The following VTI1A variants were observed in gnomAD, a reference collection of about 807,000 sequenced individuals.
The protein encoded by VTI1A is vesicle transport through interaction with t-SNAREs 1A.
In VTI1A, 22 loss-of-function variants were observed where a neutral mutation model predicts 34.9. The ratio of observed to expected loss-of-function variants is 0.63; its 90% CI spans 0.45 to 0.90. VTI1A has a LOEUF of 0.90. VTI1A is among the 40% of genes least tolerant of loss of function. The pLI is 0.00. For synonymous variants in VTI1A, 87 were observed against 97.3 expected (o/e 0.89, Z 0.62); for missense variants, 268 against 275.6 (o/e 0.97, Z 0.20).
intron 7 of VTI1A, among the ~76,000 whole-genome samples, chr10:112,687,817 G>A (rs1285990888): frequency 6.6e-6 from 1 of 152,066 alleles, no homozygotes; most frequent in Non-Finnish European, 1.5e-5. Flanking sequence ...AGCTGACAGA[G>A]TACTTGAGAG....
intron 5 of VTI1A, among the ~76,000 whole-genome samples, chr10:112,660,674 A>G (rs1351406142): frequency 6.6e-6 from 1 of 152,204 alleles, no homozygotes; most frequent in African/African-American, 2.4e-5. Context: ...CTGAGGAACT[A>G]AAGTCTTATT....
intron 5 of VTI1A, among the ~76,000 whole-genome samples, chr10:112,583,134 C>A (rs1205342386): frequency 6.6e-6 from 1 of 152,190 alleles, no homozygotes; most frequent in African/African-American, 2.4e-5. Context: ...AAGCGATGAT[C>A]AAGAGCAGAG....
chr10:112,760,175 G>C (rs201281018), intron 7 of VTI1A, among the ~76,000 whole-genome samples: 1 of 152,174 alleles, frequency 6.6e-6, no homozygotes, highest in Non-Finnish European at 1.5e-5. Context: ...AGGGGGATAC[G>C]TTCCAAGACC....
chr10:112,460,482 T>C, intron 1 of VTI1A, 42 bp from the exon 2 acceptor site: 1 of 1,545,646 alleles, frequency 6.5e-7, no homozygotes, highest in Non-Finnish European at 8.7e-7. Flanking sequence ...ATTAAATTTA[T>C]TTGTATCTTT....
intron 5 of VTI1A, among the ~76,000 whole-genome samples, chr10:112,636,332 A>G (rs1846350988): frequency 6.6e-6 from 1 of 152,174 alleles, no homozygotes; most frequent in Non-Finnish European, 1.5e-5. Context: ...AATTAATATT[A>G]CTTGTTATTT....
At chr10:112,477,041 A>G (rs2134086870) in intron 3 of VTI1A, among the ~76,000 whole-genome samples, 1 of 152,324 alleles carries the variant, frequency 6.6e-6, no homozygotes, top group Non-Finnish European at 1.5e-5. Context: ...GCTTTCTTAT[A>G]CAAGAAGTTA....
At chr10:112,627,834 A>G (rs1196700537) in intron 5 of VTI1A, among the ~76,000 whole-genome samples, 1 of 152,198 alleles carries the variant, frequency 6.6e-6, no homozygotes, top group Admixed American at 6.5e-5. Flanking sequence ...AAAATGTGAT[A>G]TAAAATGTGG....
chr10:112,755,024 A>G (rs1851231309), intron 7 of VTI1A, among the ~76,000 whole-genome samples: 1 of 152,078 alleles, frequency 6.6e-6, no homozygotes, highest in Non-Finnish European at 1.5e-5. Context: ...TGGGAGGCTA[A>G]GGTAGGCAGG....
chr10:112,833,732 T>C, the VTI1A span, among the ~76,000 whole-genome samples: 1 of 152,214 alleles, frequency 6.6e-6, no homozygotes, highest in Non-Finnish European at 1.5e-5. Context: ...TGACACTCTA[T>C]TTCTCCTTGG....
chr10:112,802,932 G>A (rs1272266027), intron 7 of VTI1A, among the ~76,000 whole-genome samples: 1 of 152,156 alleles, frequency 6.6e-6, no homozygotes, highest in Non-Finnish European at 1.5e-5. Flanking sequence ...AGAGAAAAGA[G>A]CAGCCTCGAA....
At chr10:112,474,070 T>C (rs1329160765) in intron 3 of VTI1A, among the ~76,000 whole-genome samples, 1 of 152,070 alleles carries the variant, frequency 6.6e-6, no homozygotes. Flanking sequence ...ACTATGACTT[T>C]TTTTTTTTTG....
chr10:112,822,633 ACT>A (rs971656880), downstream of VTI1A, among the ~76,000 whole-genome samples: 19 of 151,632 alleles, frequency 1.3e-4, no homozygotes, highest in African/African-American at 4.6e-4. Context: ...GCCGTCAGAG[ACT>A]CTCCGCTCAA....
chr10:112,473,401 C>T (rs1466747557), intron 3 of VTI1A, among the ~76,000 whole-genome samples: 11 of 152,072 alleles, frequency 7.2e-5, no homozygotes, highest in Admixed American at 5.2e-4. Context: ...TGAGCCACTG[C>T]GCCCGTCCCA....
chr10:112,707,553 C>T (rs1400559941), intron 7 of VTI1A, among the ~76,000 whole-genome samples: 1 of 151,780 alleles, frequency 6.6e-6, no homozygotes, highest in Admixed American at 6.6e-5. Flanking sequence ...AGGCTGGTCT[C>T]GAACTCCTGA....
intron 3 of VTI1A, among the ~76,000 whole-genome samples, chr10:112,518,539 A>G (rs1849870125): frequency 1.7e-5 from 2 of 115,516 alleles, no homozygotes; most frequent in South Asian, 6.9e-4. Flanking sequence ...GTGAGACCTC[A>G]TATCTCTTTC....
At chr10:112,821,706 A>T, downstream of VTI1A, among the ~76,000 whole-genome samples, 1 of 152,216 alleles carries the variant, frequency 6.6e-6, no homozygotes, top group East Asian at 1.9e-4. Context: ...AGCCAAGAAC[A>T]TGGCTAGGAC....
intron 7 of VTI1A, among the ~76,000 whole-genome samples, chr10:112,813,483 A>C (rs776293736): frequency 2.0e-5 from 3 of 152,162 alleles, no homozygotes; most frequent in Non-Finnish European, 2.9e-5. Context: ...GATGCGGGTG[A>C]CTGTGGTAAA....
At chr10:112,588,880 T>C (rs1442455641) in intron 5 of VTI1A, among the ~76,000 whole-genome samples, 2 of 152,206 alleles carry the variant, frequency 1.3e-5, no homozygotes, top group Admixed American at 1.3e-4. Context: ...TGTCTAGCTT[T>C]CTTACCTCTC....
chr10:112,841,268 C>T, the VTI1A span, among the ~76,000 whole-genome samples: 6 of 152,226 alleles, frequency 3.9e-5, no homozygotes, highest in African/African-American at 1.4e-4. Flanking sequence ...AAAGGGCTAA[C>T]AGGGTAAGTG....
Sources: allele counts gnomAD v4.1 joint callset (sites outside exome capture counted in the v4.1 genomes callset), GRCh38; gene constraint gnomAD v4.1.1; transcripts MANE v1.5; gene names NCBI Gene and HGNC (gene_info 2026-07-23, HGNC 2026-07-21).